Variants in ATF7IP2 observed in about 807,000 individuals in gnomAD.
ATF7IP2 encodes activating transcription factor 7 interacting protein 2.
ATF7IP2 carries 42 observed loss-of-function variants against 64.2 expected under a neutral mutation model. The ratio of observed to expected loss-of-function variants is 0.65; its 90% CI spans 0.51 to 0.85. The LOEUF is 0.85. Among genes scored for constraint, ATF7IP2 ranks in the 40% least tolerant of loss-of-function variants. The probability of loss-of-function intolerance (pLI) is 0.00; values close to 1 mark genes in which losing one functional copy is unlikely to be tolerated. For missense variants in ATF7IP2, 933 were observed against 784.2 expected, an observed-to-expected ratio of 1.19 and a Z score of -2.27; for synonymous variants, 308 against 272.8, an observed-to-expected ratio of 1.13 and a Z score of -1.27.
rs2048244029 is a variant in ATF7IP2, at chr16:10,431,318, C to T, written c.698C>T (p.Pro233Leu). The T allele has an allele frequency of 3.1e-6, 5 of 1,614,016 alleles. No homozygotes were observed. The highest frequency in any genetic ancestry group is 2.5e-6 in the Non-Finnish European group (3 of 1,180,012). The part of the protein sequence containing the change: ...DSGFVPVEKT[P>L]NLVNSVTSNN... ...GGTTTTGTGCCTGTTGAGAAAACAC[C>T]TAATTTGGTGAATTCAGTCACTTCT... The change falls in exon 5 of 14, where the codon CCT becomes CTT. Residue 233 changes from proline to leucine, a missense_variant. By Grantham distance (98) the Pro-to-Leu change is moderately conservative. Coordinates refer to ENST00000562102, the MANE Select transcript of ATF7IP2 (RefSeq NM_001393719.1).
In ATF7IP2 at chr16:10,453,988, C is replaced by A. The variant is rs574871118; in HGVS notation, c.1195-3384C>A. The A allele has an allele frequency of 3.3e-5, 5 of 151,302 alleles. No individual in the cohort carries two copies. In the East Asian group the frequency reaches 9.7e-4, roughly 29 times the overall value. The allele number at this position is 151,302 out of a possible 1,614,324, so 9.4% of individuals were successfully genotyped here. On this transcript the variant is annotated intron_variant, in intron 8 of 13. Transcript: ENST00000562102. ...CTTTTACTTGAAAATCCAATTCTTT[C>A]GTAGGTACAGAGCCATTCAGTTTTT...
chr16:10,453,231 G>C (rs1390162465), intron 8 of ATF7IP2, among the ~76,000 whole-genome samples: 1 of 152,178 alleles, frequency 6.6e-6, no homozygotes, highest in African/African-American at 2.4e-5. Flanking sequence ...GCACCGGAGG[G>C]AATCTCCTGG....
chr16:10,480,757 T>C, intron 12 of ATF7IP2, 122 bp from the exon 13 acceptor site: 2 of 746,596 alleles, frequency 2.7e-6, no homozygotes, highest in Non-Finnish European at 4.6e-6. Context: ...ATCTTCATAA[T>C]TCACAGTTTT....
intron 1 of ATF7IP2, among the ~76,000 whole-genome samples, chr16:10,393,861 T>C (rs1214648516): frequency 1.5e-4 from 23 of 152,146 alleles, no homozygotes; most frequent in Admixed American, 1.5e-3. Flanking sequence ...GGCACCATAG[T>C]AAGACCTTGT....
intron 9 of ATF7IP2, among the ~76,000 whole-genome samples, chr16:10,463,510 C>G (rs1238006950): frequency 6.6e-6 from 1 of 152,142 alleles, no homozygotes; most frequent in African/African-American, 2.4e-5. Flanking sequence ...ATAAGAACAT[C>G]AAGCAATCTA....
intron 7 of ATF7IP2, among the ~76,000 whole-genome samples, chr16:10,439,050 A>AAC (rs1333644312): frequency 2.8e-4 from 3 of 10,652 alleles, no homozygotes; most frequent in African/African-American, 2.2e-3. Flanking sequence ...ACTCCATCTC[A>AAC]AAAAAAAAAA....
intron 9 of ATF7IP2, among the ~76,000 whole-genome samples, chr16:10,463,697 T>A (rs1201098684): frequency 6.6e-6 from 1 of 152,206 alleles, no homozygotes; most frequent in Non-Finnish European, 1.5e-5. Flanking sequence ...TCCTACTTAT[T>A]TACCCACAGG....
At chr16:10,457,266 T>C (rs1014311314) in intron 8 of ATF7IP2, 106 bp from the exon 9 acceptor site, 16 of 908,326 alleles carry the variant, frequency 1.8e-5, no homozygotes, top group Admixed American at 8.4e-5. Context: ...ATTTAACTTA[T>C]GTTTTGCCAT....
At chr16:10,480,721 G>C (rs1240712903) in intron 12 of ATF7IP2, among the ~76,000 whole-genome samples, 158 bp from the exon 13 acceptor site, 1 of 151,378 alleles carries the variant, frequency 6.6e-6, no homozygotes, top group South Asian at 2.1e-4. Context: ...TGGTACCTCT[G>C]TATCTTGAAC....
chr16:10,460,634 C>G (rs1213504762), intron 9 of ATF7IP2, among the ~76,000 whole-genome samples: 2 of 151,924 alleles, frequency 1.3e-5, no homozygotes, highest in Non-Finnish European at 2.9e-5. Flanking sequence ...TAAATGGTAC[C>G]ATCTTGTTTG....
chr16:10,398,245 A>G (rs768160538), intron 1 of ATF7IP2, among the ~76,000 whole-genome samples: 36 of 151,930 alleles, frequency 2.4e-4, no homozygotes, highest in Non-Finnish European at 2.6e-4. Flanking sequence ...CAGAGGTTGT[A>G]GTGAGCCAAG....
At chr16:10,431,869 G>T (rs1432674544) in intron 5 of ATF7IP2, among the ~76,000 whole-genome samples, 2 of 144,186 alleles carry the variant, frequency 1.4e-5, no homozygotes, top group African/African-American at 2.6e-5. Flanking sequence ...TGTCGCTCAG[G>T]CTGGAGTGCA....
At chr16:10,388,024 T>A (rs992851662) in intron 1 of ATF7IP2, among the ~76,000 whole-genome samples, 1 of 152,136 alleles carries the variant, frequency 6.6e-6, no homozygotes, top group African/African-American at 2.4e-5. Context: ...TGCCTCAGCC[T>A]TGCAAGTAGC....
rs115278651 is a variant in ATF7IP2, at chr16:10,481,605, T to C, written c.1636-231T>C. ...AGCGCAATTTGGAAATGAGATGGAA[T>C]ATTTATCCCACATGTCTGGAACCTA... On this transcript the variant is annotated intron_variant, in intron 13 of 13. Coordinates refer to ENST00000562102, the MANE Select transcript of ATF7IP2 (RefSeq NM_001393719.1). 7.1e-3 allele frequency among the ~76,000 whole-genome samples: 1,084 copies of C among 152,300 alleles called. 10 individuals carry two copies. The highest frequency in any genetic ancestry group is 0.025 in the African/African-American group (1,020 of 41,568).
intron 8 of ATF7IP2, 109 bp downstream of exon 8, chr16:10,440,571 T>C (rs569047100): frequency 2.7e-5 from 18 of 669,740 alleles, no homozygotes; most frequent in Non-Finnish European, 3.7e-5. Flanking sequence ...TAAAGGTAAG[T>C]AAGTTTTTAC....
In ATF7IP2 at chr16:10,473,491, T is replaced by C. The variant is rs1212264848; in HGVS notation, c.1439T>C (p.Ile480Thr). 3.8e-6 allele frequency: 6 copies of C among 1,566,190 alleles called. No homozygotes were observed. Among genetic ancestry groups the C allele is most frequent in the Non-Finnish European group, 5.3e-6 (6 of 1,141,062 alleles). Reference sequence around the variant, plus strand: ...TAATTTCTTTCAGATACCAGAAAAATTACATCAGGAAATTCTAGCAATTCT... The same window carrying C: ...TAATTTCTTTCAGATACCAGAAAAACTACATCAGGAAATTCTAGCAATTCT... ...ITSNPTDTRK[I>T]TSGNSSNSPN... Residue 480 changes from isoleucine (I) to threonine (T), a missense_variant, in exon 11 of 14, where the codon ATT (isoleucine) becomes ACT (threonine). Transcript: ENST00000562102.
chr16:10,470,075 G>T (rs2049734526), intron 9 of ATF7IP2, among the ~76,000 whole-genome samples: 1 of 152,064 alleles, frequency 6.6e-6, no homozygotes, highest in Non-Finnish European at 1.5e-5. Flanking sequence ...TAGAAATTTG[G>T]ATCTGTACAA....
chr16:10,433,664 C>G lies in ATF7IP2; in HGVS notation c.960+15C>G. 6.2e-7 allele frequency: 1 copy of G among 1,611,106 alleles called. No homozygotes were observed. Among genetic ancestry groups the G allele is most frequent in the Non-Finnish European group, 8.5e-7 (1 of 1,178,474 alleles). On this transcript the variant is annotated intron_variant, in intron 6 of 13. Transcript: ENST00000562102. The stretch of plus-strand genomic sequence containing the variant: ...TCCTGGAACAGGTAAAATATTGGGG[C>G]TTAAATGGAACTTTTACTTTTGATT...
Position 10,419,059 on chromosome 16 carries a change from A to G in ATF7IP2, c.-202-522A>G, listed in dbSNP as rs192676752. On this transcript the variant is annotated intron_variant, in intron 2 of 13. Coordinates refer to ENST00000562102, the MANE Select transcript of ATF7IP2 (RefSeq NM_001393719.1). ...GCACCTCTGCCTGTTCTGCAGTGCAATCTTCCCAAACAAGTACGTTCATTT... is the reference window on the plus strand; with the variant it reads ...GCACCTCTGCCTGTTCTGCAGTGCAGTCTTCCCAAACAAGTACGTTCATTT... Among the ~76,000 whole-genome samples the G allele has an allele frequency of 1.1e-3, 174 of 152,320 alleles. 2 individuals carry two copies. Among genetic ancestry groups the G allele is most frequent in the African/African-American group, 3.8e-3 (159 of 41,570 alleles).
Sources: gnomAD v4.1 joint callset for allele counts (sites outside exome capture counted in the v4.1 genomes callset) on GRCh38, gnomAD v4.1.1 for gene constraint, MANE v1.5 for transcripts, NCBI Gene and HGNC (gene_info 2026-07-23, HGNC 2026-07-21) for gene names.